The following GRIK3 variants were observed in gnomAD, a reference collection of about 807,000 sequenced individuals.
The protein encoded by GRIK3 is glutamate ionotropic receptor kainate type subunit 3, also known as glutamate receptor ionotropic, kainate 3.
In GRIK3, 29 loss-of-function variants were observed where a neutral mutation model predicts 102.5. The observed-to-expected ratio is 0.28, with a 90% confidence interval of 0.21 to 0.39. The LOEUF is 0.39. Among genes scored for constraint, GRIK3 ranks in the 10% least tolerant of loss-of-function variants. The pLI, the probability that GRIK3 is intolerant of heterozygous loss-of-function variation, is 1.00. For synonymous variants in GRIK3, 511 were observed against 504.9 expected, an observed-to-expected ratio of 1.01 and a Z score of -0.16; for missense variants, 908 against 1,252.4, an observed-to-expected ratio of 0.73 and a Z score of 4.15.
At chr1:36,829,275 C>T (rs1396449055) in intron 10 of GRIK3, among the ~76,000 whole-genome samples, 1 of 152,208 alleles carries the variant, frequency 6.6e-6, no homozygotes, top group Non-Finnish European at 1.5e-5. Flanking sequence ...CCAATCTTGG[C>T]AGGCTCTTCC....
At chr1:36,952,964 T>A (rs570785670) in intron 1 of GRIK3, among the ~76,000 whole-genome samples, 2 of 152,238 alleles carry the variant, frequency 1.3e-5, no homozygotes, top group African/African-American at 2.4e-5. Flanking sequence ...ACAGGGAGAA[T>A]CAGCATCACC....
chr1:36,928,722 A>T (rs974757724), intron 1 of GRIK3, among the ~76,000 whole-genome samples: 1 of 152,188 alleles, frequency 6.6e-6, no homozygotes, highest in African/African-American at 2.4e-5. Context: ...AGAAAAAAAA[A>T]TCCCCCCAAA....
intron 9 of GRIK3, among the ~76,000 whole-genome samples, chr1:36,844,051 G>A (rs753827713): frequency 2.0e-5 from 3 of 152,224 alleles, no homozygotes; most frequent in Non-Finnish European, 2.9e-5. Flanking sequence ...CTGGGCTCCC[G>A]CTGTGGCGGC....
chr1:37,004,483 C>G (rs1642511109), intron 1 of GRIK3, among the ~76,000 whole-genome samples: 1 of 152,172 alleles, frequency 6.6e-6, no homozygotes, highest in South Asian at 2.1e-4. Context: ...GTCTGATCAG[C>G]AGACTCCCAG....
intron 1 of GRIK3, among the ~76,000 whole-genome samples, chr1:36,964,610 A>T (rs1365195150): frequency 6.6e-6 from 1 of 152,222 alleles, no homozygotes; most frequent in African/African-American, 2.4e-5. Context: ...TCAGCTCCTG[A>T]TGCCCATTGG....
intron 5 of GRIK3, among the ~76,000 whole-genome samples, chr1:36,861,292 C>A (rs1001306194): frequency 6.6e-6 from 1 of 152,206 alleles, no homozygotes; most frequent in African/African-American, 2.4e-5. Flanking sequence ...TTGGCCCTAT[C>A]CCACTAGTGG....
chr1:36,871,568 T>G (rs1221357555), intron 4 of GRIK3, among the ~76,000 whole-genome samples: 1 of 152,242 alleles, frequency 6.6e-6, no homozygotes, highest in Non-Finnish European at 1.5e-5. Flanking sequence ...ACTGTTTATT[T>G]TCTTAGGTGA....
At chr1:36,820,510 A>AT (rs1642683956) in intron 11 of GRIK3, among the ~76,000 whole-genome samples, 1 of 152,234 alleles carries the variant, frequency 6.6e-6, no homozygotes, top group South Asian at 2.1e-4. Context: ...GGGTCTCTAG[A>AT]TAAAAACTAT....
intron 1 of GRIK3, among the ~76,000 whole-genome samples, chr1:37,022,215 C>T (rs1414520644): frequency 6.6e-6 from 1 of 152,230 alleles, no homozygotes; most frequent in Non-Finnish European, 1.5e-5. Flanking sequence ...AAGACAGAGA[C>T]CTGACCTATG....
chr1:36,966,767 C>A (rs1010674191), intron 1 of GRIK3, among the ~76,000 whole-genome samples: 2 of 151,742 alleles, frequency 1.3e-5, no homozygotes, highest in Non-Finnish European at 2.9e-5. Flanking sequence ...TACAGACCAC[C>A]CCCCCAACCC....
At chr1:36,930,318 T>C (rs1641574122) in intron 1 of GRIK3, among the ~76,000 whole-genome samples, 1 of 152,170 alleles carries the variant, frequency 6.6e-6, no homozygotes, top group Non-Finnish European at 1.5e-5. Context: ...AAACTTCATG[T>C]TGAATGACCT....
intron 10 of GRIK3, 103 bp downstream of exon 10, chr1:36,841,633 C>T (rs1640451501): frequency 4.1e-6 from 4 of 977,502 alleles, no homozygotes; most frequent in Non-Finnish European, 4.9e-6. Context: ...ACTCCTGTCC[C>T]CAGGGCCTTT....
intron 1 of GRIK3, among the ~76,000 whole-genome samples, chr1:37,018,433 G>A (rs955289693): frequency 4.6e-5 from 7 of 152,034 alleles, no homozygotes; most frequent in African/African-American, 1.4e-4. Context: ...CTCATACACC[G>A]CAACCCTTAG....
chr1:36,924,368 A>G (rs1179695910), intron 1 of GRIK3, among the ~76,000 whole-genome samples: 1 of 152,138 alleles, frequency 6.6e-6, no homozygotes, highest in Admixed American at 6.5e-5. Flanking sequence ...CAATTTTGGC[A>G]TCCTCCGCCC....
chr1:36,975,548 C>T (rs1642187910), intron 1 of GRIK3, among the ~76,000 whole-genome samples: 1 of 152,194 alleles, frequency 6.6e-6, no homozygotes, highest in Non-Finnish European at 1.5e-5. Flanking sequence ...CCGCCTTGGC[C>T]TCCCAAAGTG....
At chr1:36,990,752 C>G (rs955530852) in intron 1 of GRIK3, among the ~76,000 whole-genome samples, 1 of 152,246 alleles carries the variant, frequency 6.6e-6, no homozygotes, top group South Asian at 2.1e-4. Flanking sequence ...AGCCACTGGG[C>G]AGTTGCAAAT....
At chr1:36,947,752 C>T (rs1288320228) in intron 1 of GRIK3, among the ~76,000 whole-genome samples, 3 of 152,160 alleles carry the variant, frequency 2.0e-5, no homozygotes, top group East Asian at 3.9e-4. Flanking sequence ...CTCCTGCCCC[C>T]CCATGAAGCA....
intron 7 of GRIK3, 26 bp from the exon 8 acceptor site, chr1:36,853,748 C>T (rs1640615389): frequency 7.8e-7 from 1 of 1,277,712 alleles, no homozygotes; most frequent in South Asian, 1.2e-5. Flanking sequence ...GGCAGAGCGG[C>T]AATTCCTCGG....
rs931434388 is a variant in GRIK3, at chr1:36,880,261, G to A, written c.550+373C>T. 2.6e-5 allele frequency among the ~76,000 whole-genome samples: 4 copies of A among 152,186 alleles called. No individual in the cohort carries two copies. The highest frequency in any genetic ancestry group is 7.2e-5 in the African/African-American group (3 of 41,450). On this transcript the variant is annotated intron_variant, in intron 3 of 15. Transcript: ENST00000373091. The surrounding 1 kb of genome is among the most constrained non-coding windows in gnomAD (Gnocchi z 5.4). Reference sequence around the variant, plus strand: ...TGTGTGTGAGTGTGCAAGTGTGAGGGTGGATGTGTTTGCAGCAGATGGAAA... The same window carrying A: ...TGTGTGTGAGTGTGCAAGTGTGAGGATGGATGTGTTTGCAGCAGATGGAAA...
Sources: allele counts gnomAD v4.1 joint callset (sites outside exome capture counted in the v4.1 genomes callset), GRCh38; gene constraint gnomAD v4.1.1; non-coding constraint Gnocchi (gnomAD v3.1); transcripts MANE v1.5; gene names NCBI Gene and HGNC (gene_info 2026-07-23, HGNC 2026-07-21).